Variants in DNAH9 observed in about 807,000 individuals in gnomAD.
DNAH9 encodes the protein dynein axonemal heavy chain 9, also known as DNAH9 variant protein.
In DNAH9, 345 loss-of-function variants were observed where a neutral mutation model predicts 471.6. That is an observed-to-expected ratio of 0.73 (90% confidence interval 0.67 to 0.80). The LOEUF (loss-of-function observed/expected upper bound fraction) is 0.80. Ranked by LOEUF, DNAH9 falls within the 30% of genes least tolerant of loss-of-function variation. DNAH9 has a pLI of 0.00. For missense variants in DNAH9, 5,407 were observed against 5,609.2 expected (o/e 0.96, Z 1.15); for synonymous variants, 2,093 against 2,123.6 (o/e 0.99, Z 0.40).
chr17:11,867,563 T>TTTC (rs1972104940), intron 50 of DNAH9, among the ~76,000 whole-genome samples: 4 of 152,344 alleles, frequency 2.6e-5, no homozygotes, highest in Admixed American at 2.6e-4. Flanking sequence ...AAGTTTTAAC[T>TTTC]TTGTTGTTGC....
intron 33 of DNAH9, among the ~76,000 whole-genome samples, chr17:11,753,570 G>C (rs1353573294): frequency 6.6e-6 from 1 of 152,180 alleles, no homozygotes; most frequent in Non-Finnish European, 1.5e-5. Context: ...AGGAGGCTGA[G>C]GCAGGAGAAT....
intron 59 of DNAH9, among the ~76,000 whole-genome samples, chr17:11,897,741 G>T (rs912666398): frequency 6.6e-6 from 1 of 152,128 alleles, no homozygotes; most frequent in Non-Finnish European, 1.5e-5. Flanking sequence ...CAAAATGGTC[G>T]TCGTAATACC....
At chr17:11,611,878 C>T (rs1178019940) in intron 4 of DNAH9, 98 bp downstream of exon 4, 1 of 1,274,620 alleles carries the variant, frequency 7.8e-7, no homozygotes, top group East Asian at 2.3e-5. Context: ...ACTTCAAGTC[C>T]TTGTAAATTT....
rs755852684 is a variant in DNAH9 at position 11,834,729 on chromosome 17, T to A, written c.9338T>A (p.Val3113Glu). 12 of 1,614,008 alleles carry A rather than the reference T, an allele frequency of 7.4e-6. No homozygotes were observed. Among genetic ancestry groups the A allele is most frequent in the Non-Finnish European group, 1.0e-5 (12 of 1,179,988 alleles). ...GACAAACTGATTCAGGTCGTGGGTG[T>A]GGAGACTGACAAAGTGAGCAGAGAG... ...DADKLIQVVG[V>E]ETDKVSREKA... is the part of the protein sequence containing the mutation. The change falls in exon 49 of 69, where the codon GTG becomes GAG. Residue 3113 changes from valine to glutamate, a missense_variant. Transcript: ENST00000262442.
At chr17:11,673,511 A>C (rs761446654) in intron 17 of DNAH9, among the ~76,000 whole-genome samples, 15 of 152,134 alleles carry the variant, frequency 9.9e-5, no homozygotes, top group Non-Finnish European at 1.9e-4. Context: ...AAGAGAAAGG[A>C]GTATGACCCC....
At chr17:11,824,814 A>G (rs1970430465) in intron 48 of DNAH9, among the ~76,000 whole-genome samples, 1 of 152,024 alleles carries the variant, frequency 6.6e-6, no homozygotes, top group Non-Finnish European at 1.5e-5. Flanking sequence ...AATGCCAAAC[A>G]GGTTCCTCCA....
Position 11,846,124 on chromosome 17 carries a change from T to A in DNAH9, c.9508-7879T>A, listed in dbSNP as rs1216234232. 1.8e-3 allele frequency among the ~76,000 whole-genome samples: 261 copies of A among 147,516 alleles called. 2 individuals carry two copies. The highest frequency in any genetic ancestry group is 7.3e-3 in the South Asian group (34 of 4,642). On this transcript the variant is annotated intron_variant, in intron 49 of 68. Transcript: ENST00000262442. ...ATGCCTAGGTTTTCTTCTAGGGTTT[T>A]TATGGTTTTAGGTCTAACGTTTAAG...
intron 22 of DNAH9, among the ~76,000 whole-genome samples, chr17:11,699,248 C>T (rs2074549841): frequency 6.6e-6 from 1 of 151,886 alleles, no homozygotes; most frequent in African/African-American, 2.4e-5. Flanking sequence ...GACTCCGTCT[C>T]AAAAAATAAA....
At chr17:11,802,331 C>T (rs765186117) in intron 43 of DNAH9, among the ~76,000 whole-genome samples, 28 of 152,200 alleles carry the variant, frequency 1.8e-4, no homozygotes, top group Admixed American at 7.9e-4. Context: ...CCTTCTGAGA[C>T]GCAAAGTGGG....
intron 17 of DNAH9, among the ~76,000 whole-genome samples, chr17:11,678,235 T>C: frequency 6.6e-6 from 1 of 152,044 alleles, no homozygotes; most frequent in Non-Finnish European, 1.5e-5. Flanking sequence ...TTTTTGTATT[T>C]TTAGTAGAGA....
In DNAH9 at chr17:11,693,862, T is replaced by C; in HGVS notation, c.4615-6T>C. On this transcript the variant is annotated splice_polypyrimidine_tract_variant and splice_region_variant and intron_variant, in intron 20 of 68. Transcript: ENST00000262442. The stretch of plus-strand genomic sequence containing the variant: ...TGGTTAATTGCTTCCACATTTTTAT[T>C]TGCAGGATTCTAAAAGGTTTGAAGG... The C allele has an allele frequency of 6.2e-7, 1 of 1,614,154 alleles. No homozygotes were observed. The highest frequency in any genetic ancestry group is 8.5e-7 in the Non-Finnish European group (1 of 1,180,016).
chr17:11,707,071 C>T (rs1033915951), intron 26 of DNAH9, among the ~76,000 whole-genome samples: 1 of 152,196 alleles, frequency 6.6e-6, no homozygotes, highest in Non-Finnish European at 1.5e-5. Context: ...GAGGGCAGAA[C>T]AATAGGTCAT....
chr17:11,820,077 G>T (rs1333063183), intron 45 of DNAH9, among the ~76,000 whole-genome samples: 2 of 152,084 alleles, frequency 1.3e-5, no homozygotes, highest in African/African-American at 4.8e-5. Flanking sequence ...CTGTGGGTTT[G>T]GGGGTGATAT....
intron 65 of DNAH9, among the ~76,000 whole-genome samples, chr17:11,934,673 TG>T (rs1974646333): frequency 1.3e-5 from 2 of 151,980 alleles, no homozygotes; most frequent in South Asian, 4.1e-4. Flanking sequence ...AGGATGGTCT[TG>T]ATCTCCTGAC....
chr17:11,721,189 C>T (rs1409221823), intron 27 of DNAH9, among the ~76,000 whole-genome samples: 1 of 152,174 alleles, frequency 6.6e-6, no homozygotes, highest in African/African-American at 2.4e-5. Context: ...TCTATCAAAA[C>T]CAATCACTGA....
At chr17:11,942,896 C>A (rs368168153) in intron 67 of DNAH9, among the ~76,000 whole-genome samples, 1 of 127,914 alleles carries the variant, frequency 7.8e-6, no homozygotes, top group African/African-American at 3.0e-5. Context: ...CTTGTTTTTT[C>A]TTTTTTTTTT....
rs114037830 is a variant in DNAH9 at position 11,892,997 on chromosome 17, C to T, written c.11283+1050C>T. 5.7e-4 allele frequency among the ~76,000 whole-genome samples: 86 copies of T among 152,014 alleles called. No individual in the cohort carries two copies. Among genetic ancestry groups the T allele is most frequent in the African/African-American group, 2.0e-3 (84 of 41,462 alleles). Reference sequence around the variant, plus strand: ...TAGTCAGACACGTTATCCATTGCACCACTGGCCCACGGTTGAAGGCCCTTT... The same window carrying T: ...TAGTCAGACACGTTATCCATTGCACTACTGGCCCACGGTTGAAGGCCCTTT... On this transcript the variant is annotated intron_variant, in intron 58 of 68. Coordinates refer to ENST00000262442, the MANE Select transcript of DNAH9 (RefSeq NM_001372.4). The surrounding 1 kb of genome is among the most constrained non-coding windows in gnomAD (Gnocchi z 4.3).
chr17:11,735,681 C>T (rs1171912180), intron 28 of DNAH9, among the ~76,000 whole-genome samples: 2 of 152,154 alleles, frequency 1.3e-5, no homozygotes, highest in Non-Finnish European at 2.9e-5. Flanking sequence ...GTGATCCGCC[C>T]GCCTCGGCCT....
At chr17:11,662,178 A>G (rs2073778225) in intron 14 of DNAH9, among the ~76,000 whole-genome samples, 1 of 152,078 alleles carries the variant, frequency 6.6e-6, no homozygotes, top group African/African-American at 2.4e-5. Context: ...CATAATTTGA[A>G]TCTTTGTTTC....
Sources: gnomAD v4.1 joint callset for allele counts (sites outside exome capture counted in the v4.1 genomes callset) on GRCh38, gnomAD v4.1.1 for gene constraint, Gnocchi (gnomAD v3.1) non-coding constraint, MANE v1.5 for transcripts, NCBI Gene and HGNC (gene_info 2026-07-23, HGNC 2026-07-21) for gene names.